Variants in KIFC3 observed in about 807,000 individuals in gnomAD.
KIFC3 encodes the protein kinesin family member C3.
In KIFC3, 60 loss-of-function variants were observed where a neutral mutation model predicts 101.8. The ratio of observed to expected loss-of-function variants is 0.59; its 90% CI spans 0.48 to 0.73. The LOEUF is 0.73. Among genes scored for constraint, KIFC3 ranks in the 30% least tolerant of loss-of-function variants. The pLI, the probability that KIFC3 is intolerant of heterozygous loss-of-function variation, is 0.00. For synonymous variants in KIFC3, 476 were observed against 482.7 expected (o/e 0.99, Z 0.18); for missense variants, 966 against 1,137.1 (o/e 0.85, Z 2.16).
At chr16:57,862,456 G>A (rs1959354465) in intron 1 of KIFC3, among the ~76,000 whole-genome samples, 1 of 151,916 alleles carries the variant, frequency 6.6e-6, no homozygotes, top group Non-Finnish European at 1.5e-5. Context: ...GCAAAACTGT[G>A]GATAAGGGAG....
Position 57,762,283 on chromosome 16 carries a change from G to A in KIFC3, c.1618-13C>T, listed in dbSNP as rs1555598842. The A allele has an allele frequency of 1.3e-6, 2 of 1,533,154 alleles. No homozygotes were observed. Among genetic ancestry groups the A allele is most frequent in the Non-Finnish European group, 1.8e-6 (2 of 1,135,746 alleles). 95.0% of individuals were successfully genotyped at this position (1,533,154 alleles called of 1,614,324 possible). ...TCTCAGCGGTCCCCTGGGGACAGAA[G>A]GAAAGGCCCCAGTAAGCCAGGCCTG... is the stretch of plus-strand genomic sequence containing the variant. On this transcript the variant is annotated splice_polypyrimidine_tract_variant and intron_variant, in intron 12 of 19. Coordinates refer to ENST00000445690, the MANE Select transcript of KIFC3 (RefSeq NM_001130100.2).
chr16:57,759,099 C>A, intron 19 of KIFC3, 26 bp downstream of exon 19: 1 of 1,550,044 alleles, frequency 6.5e-7, no homozygotes, highest in South Asian at 1.2e-5. Context: ...AGGCGGGCAG[C>A]CCTGGGCCAC....
intron 10 of KIFC3, 51 bp from the exon 11 acceptor site, chr16:57,765,691 C>G (rs1555602379): frequency 6.6e-7 from 1 of 1,522,860 alleles, no homozygotes; most frequent in African/African-American, 1.4e-5. Context: ...CAAGACCAGT[C>G]TCCATTCTGG....
intron 1 of KIFC3, among the ~76,000 whole-genome samples, chr16:57,817,129 C>T (rs1379879936): frequency 6.6e-6 from 1 of 152,094 alleles, no homozygotes; most frequent in East Asian, 1.9e-4. Context: ...GAGGCTGAGG[C>T]GGGCAGATAA....
chr16:57,814,108 C>G (rs1393094197), intron 1 of KIFC3, among the ~76,000 whole-genome samples: 2 of 152,186 alleles, frequency 1.3e-5, no homozygotes, highest in African/African-American at 2.4e-5. Context: ...ATTCAGAGCT[C>G]TTCACCATCT....
intron 1 of KIFC3, among the ~76,000 whole-genome samples, chr16:57,812,783 C>T (rs2055121475): frequency 6.6e-6 from 1 of 152,254 alleles, no homozygotes; most frequent in Non-Finnish European, 1.5e-5. Flanking sequence ...TGCCTGGAAA[C>T]ATCTTAACAC....
Position 57,768,509 on chromosome 16 carries a change from TCA to T in KIFC3, c.1218+1084_1218+1085del, listed in dbSNP as rs61591593. Among the ~76,000 whole-genome samples, 46 of 139,122 alleles carry T rather than the reference TCA, an allele frequency of 3.3e-4. No homozygotes were observed. In the East Asian group the frequency reaches 4.9e-3, roughly 15 times the overall value. The allele number at this position is 139,122 out of a possible 152,430, so 91.3% of individuals were successfully genotyped here. On this transcript the variant is annotated intron_variant, in intron 9 of 19. Coordinates refer to ENST00000445690, the MANE Select transcript of KIFC3 (RefSeq NM_001130100.2). ...TGGGGGAAGGGCCTACCATATATTC[TCA>T]CACACACACACACACACACACACAC... is the stretch of plus-strand genomic sequence containing the variant.
chr16:57,761,171 C>A lies in KIFC3; in HGVS notation c.1873G>T (p.Val625Leu). 1 of 1,613,770 alleles carries A rather than the reference C, an allele frequency of 6.2e-7. No homozygotes were observed. Among genetic ancestry groups the A allele is most frequent in the Non-Finnish European group, 8.5e-7 (1 of 1,179,894 alleles). Residue 625 changes from valine (V) to leucine (L), a missense_variant and splice_region_variant, in exon 15 of 20, where the codon GTG becomes TTG. Physicochemically the swap from Val to Leu is conservative, Grantham distance 32 (BLOSUM62 1). Around this residue, in one of 2 missense-constraint regions of KIFC3, gnomAD observed 689 missense variants for 884.6 expected, o/e 0.78. Transcript: ENST00000445690. ...QVQSVDDINK[V>L]FEFGHTNRTT... ...CGATTAGTGTGGCCAAACTCAAACA[C>A]CTGGGGGATTGGGAGGAGGGCAGAG...
At chr16:57,810,505 G>T (rs993197240) in intron 1 of KIFC3, 3 of 198,598 alleles carry the variant, frequency 1.5e-5, no homozygotes, top group Non-Finnish European at 2.7e-5. Context: ...CCTCCCGCCC[G>T]CCCCGCTGAC....
intron 1 of KIFC3, among the ~76,000 whole-genome samples, chr16:57,834,670 C>T (rs2055651024): frequency 6.6e-6 from 1 of 152,148 alleles, no homozygotes; most frequent in African/African-American, 2.4e-5. Flanking sequence ...CGTCACAAGT[C>T]CAGCTAATTT....
chr16:57,763,753 G>A (rs1218791847), intron 12 of KIFC3, among the ~76,000 whole-genome samples: 7 of 152,112 alleles, frequency 4.6e-5, no homozygotes, highest in Non-Finnish European at 7.4e-5. Flanking sequence ...ACTGAGACCC[G>A]CCACTCATCC....
intron 3 of KIFC3, among the ~76,000 whole-genome samples, chr16:57,789,218 G>A (rs1367589809): frequency 6.6e-6 from 1 of 152,230 alleles, no homozygotes; most frequent in Non-Finnish European, 1.5e-5. Flanking sequence ...TCCGAGCAGG[G>A]GAAGGGCCAC....
Position 57,774,458 on chromosome 16 carries a change from C to T in KIFC3, c.316-2170G>A, listed in dbSNP as rs1237556910. Among the ~76,000 whole-genome samples the T allele has an allele frequency of 2.0e-5, 3 of 152,068 alleles. No homozygotes were observed. In the East Asian group the frequency reaches 5.8e-4, roughly 29 times the overall value. On this transcript the variant is annotated intron_variant, in intron 3 of 19. Coordinates refer to ENST00000445690, the MANE Select transcript of KIFC3 (RefSeq NM_001130100.2). ...ATCTGAAAAACCATTAAGTGTACAGCACTAAAAAGTGGGGGTCTCTGGGCT... is the reference window on the plus strand; with the variant it reads ...ATCTGAAAAACCATTAAGTGTACAGTACTAAAAAGTGGGGGTCTCTGGGCT...
At chr16:57,788,554 T>A in intron 3 of KIFC3, 2 of 1,280,480 alleles carry the variant, frequency 1.6e-6, no homozygotes, top group Non-Finnish European at 2.0e-6. Context: ...AGTGCCGGTT[T>A]GGCGGGCAGG....
At chr16:57,816,520 C>T (rs782106325) in intron 1 of KIFC3, 30 of 456,824 alleles carry the variant, frequency 6.6e-5, no homozygotes, top group Middle Eastern at 6.5e-4. Flanking sequence ...TCCTTGTCTG[C>T]GCCTTACAAA....
chr16:57,819,436 C>G (rs2055304920), intron 1 of KIFC3, among the ~76,000 whole-genome samples: 1 of 152,216 alleles, frequency 6.6e-6, no homozygotes, highest in African/African-American at 2.4e-5. Flanking sequence ...GAGGATTGGA[C>G]TCCGAGATAT....
At position 57,798,115 on chromosome 16, in the gene KIFC3, G is replaced by C. The variant is rs782722007; in HGVS notation, c.129C>G (p.Ala43=). 9 of 1,578,978 alleles carry C rather than the reference G, an allele frequency of 5.7e-6. No individual in the cohort carries two copies. The highest frequency in any genetic ancestry group is 1.4e-5 in the African/African-American group (1 of 74,072). The change falls in exon 2 of 20, where the codon GCC becomes GCG. Residue 43 remains alanine, a synonymous_variant. Transcript: ENST00000445690. The part of the protein sequence containing the change: ...ARPAPAPASP[A]ARPFPHTGPG... ...GGCCGGTGTGTGGGAAAGGGCGGGC[G>C]GCCGGGCTGGCTGGGGCTGGGGCGG...
At chr16:57,777,470 C>T (rs1193020606) in intron 3 of KIFC3, among the ~76,000 whole-genome samples, 1 of 152,208 alleles carries the variant, frequency 6.6e-6, no homozygotes, top group Non-Finnish European at 1.5e-5. Flanking sequence ...CCTGTAATCC[C>T]AGCACTTTGG....
At chr16:57,802,954 TACTC>T (rs782240313), upstream of KIFC3, 88 of 1,534,756 alleles carry the variant, frequency 5.7e-5, no homozygotes, top group Middle Eastern at 1.7e-4. This position sits in a 1 kb window ranked among gnomAD's most constrained non-coding sequence, Gnocchi z 5.0. Flanking sequence ...CACAAGCTCT[TACTC>T]ACGAGACAAT....
Sources: allele counts gnomAD v4.1 joint callset (sites outside exome capture counted in the v4.1 genomes callset), GRCh38; gene constraint gnomAD v4.1.1; regional missense constraint gnomAD v4.1.1; non-coding constraint Gnocchi (gnomAD v3.1); transcripts MANE v1.5; gene names NCBI Gene and HGNC (gene_info 2026-07-23, HGNC 2026-07-21).